AFF3: variants seen among roughly 807,000 people sequenced by gnomAD.
The protein encoded by AFF3 is ALF transcription elongation factor 3, also known as AF4/FMR2 family member 3.
In AFF3, 32 loss-of-function variants were observed where a neutral mutation model predicts 129.7. The observed-to-expected ratio is 0.25, with a 90% CI of 0.19 to 0.33. The LOEUF is 0.33. Ranked by LOEUF, AFF3 falls within the 10% of genes least tolerant of loss-of-function variation. The pLI is 1.00. For synonymous variants in AFF3, 644 were observed against 635.4 expected, an observed-to-expected ratio of 1.01 and a Z score of -0.20; for missense variants, 1,373 against 1,592.0, an observed-to-expected ratio of 0.86 and a Z score of 2.34.
At chr2:100,059,409 T>A (rs1350097280) in intron 4 of AFF3, among the ~76,000 whole-genome samples, 2 of 152,002 alleles carry the variant, frequency 1.3e-5, no homozygotes, top group African/African-American at 2.4e-5. Context: ...CCACCACACA[T>A]GTAGCATTGG....
Position 99,563,339 on chromosome 2 carries a change from G to C in AFF3, c.3119+2148C>G, listed in dbSNP as rs1441588649. Among the ~76,000 whole-genome samples the C allele has an allele frequency of 3.3e-5, 5 of 151,462 alleles. No homozygotes were observed. The East Asian group carries it at 6.0e-4, about 18-fold the overall frequency. On this transcript the variant is annotated intron_variant, in intron 20 of 24. Transcript: ENST00000672756. ...CTGAGTAGCTAGGACTACAGGTGCC[G>C]GCCACCACGCCCGGCTAATTTTTTG...
chr2:100,036,134 TAA>T (rs59136725), intron 4 of AFF3, among the ~76,000 whole-genome samples: 1,217 of 64,332 alleles, frequency 0.019, 18 homozygotes, highest in African/African-American at 0.036. Context: ...AATACAGTGC[TAA>T]AAAAAAAAAA....
chr2:99,812,774 C>A (rs919310381), intron 8 of AFF3, among the ~76,000 whole-genome samples: 1 of 152,190 alleles, frequency 6.6e-6, no homozygotes, highest in South Asian at 2.1e-4. Context: ...AGCAGAACAT[C>A]TAATTACAGT....
chr2:99,758,907 C>CT (rs1255891233), intron 8 of AFF3, among the ~76,000 whole-genome samples: 1 of 152,178 alleles, frequency 6.6e-6, no homozygotes, highest in African/African-American at 2.4e-5. Context: ...CACCCTAGTA[C>CT]TCAAGACCTT....
At chr2:99,672,458 G>T in intron 12 of AFF3, 80 bp downstream of exon 12, 2 of 1,392,858 alleles carry the variant, frequency 1.4e-6, no homozygotes, top group Non-Finnish European at 2.0e-6. Context: ...CATTCAGCTT[G>T]GTTAACACCC....
chr2:99,998,684 T>C (rs988287832), intron 7 of AFF3, among the ~76,000 whole-genome samples: 7 of 152,166 alleles, frequency 4.6e-5, no homozygotes, highest in Non-Finnish European at 7.3e-5. Flanking sequence ...GTCTGTCAGA[T>C]AACAAATACA....
At chr2:100,018,077 T>C (rs984546485) in intron 4 of AFF3, among the ~76,000 whole-genome samples, 2 of 152,018 alleles carry the variant, frequency 1.3e-5, no homozygotes, top group Non-Finnish European at 2.9e-5. Flanking sequence ...CTAAAACCTA[T>C]AAAATATAAC....
chr2:100,032,885 T>C (rs1220200039), intron 4 of AFF3, among the ~76,000 whole-genome samples: 2 of 152,234 alleles, frequency 1.3e-5, no homozygotes, highest in Non-Finnish European at 2.9e-5. Context: ...TTATTTATTA[T>C]AAGTAATGAG....
intron 11 of AFF3, among the ~76,000 whole-genome samples, chr2:99,701,471 AATG>A (rs1676859506): frequency 6.6e-6 from 1 of 152,206 alleles, no homozygotes; most frequent in South Asian, 2.1e-4. Flanking sequence ...CTTCTTTGAG[AATG>A]ATGAGTATGT....
chr2:99,646,595 A>G lies in AFF3; in HGVS notation c.1184+3031T>C, dbSNP rs182679680. Reference sequence around the variant, plus strand: ...CCAAGTAGCCAGAGATATTGGGCCTAGAACCCCACTTTGGGATATTCAGGA... The same window carrying G: ...CCAAGTAGCCAGAGATATTGGGCCTGGAACCCCACTTTGGGATATTCAGGA... On this transcript the variant is annotated intron_variant, in intron 13 of 24. Coordinates refer to ENST00000672756, the MANE Select transcript of AFF3 (RefSeq NM_001386135.1). 2.4e-4 allele frequency among the ~76,000 whole-genome samples: 36 copies of G among 152,332 alleles called. No individual in the cohort carries two copies. In the Middle Eastern group the frequency reaches 0.01, roughly 43 times the overall value.
chr2:99,674,242 C>G (rs563136165), intron 11 of AFF3, among the ~76,000 whole-genome samples: 12 of 152,288 alleles, frequency 7.9e-5, no homozygotes, highest in Admixed American at 3.3e-4. Context: ...ATGTCTGGCA[C>G]GCCATTCATT....
At chr2:99,906,552 A>G (rs1694730098) in intron 7 of AFF3, among the ~76,000 whole-genome samples, 1 of 152,256 alleles carries the variant, frequency 6.6e-6, no homozygotes, top group Non-Finnish European at 1.5e-5. Flanking sequence ...ATGAAAGTCG[A>G]TAACAATAAT....
chr2:99,778,425 C>G (rs543815223), intron 8 of AFF3, among the ~76,000 whole-genome samples: 1 of 152,270 alleles, frequency 6.6e-6, no homozygotes, highest in South Asian at 2.1e-4. Context: ...GCATAGAAAG[C>G]AATAGATGTA....
intron 7 of AFF3, among the ~76,000 whole-genome samples, chr2:99,957,418 T>A (rs1405713467): frequency 6.6e-6 from 1 of 152,134 alleles, no homozygotes; most frequent in Non-Finnish European, 1.5e-5. Flanking sequence ...CTCCACAGCC[T>A]GTCAAATTAG....
chr2:100,131,335 C>A (rs920460866), intron 1 of AFF3, among the ~76,000 whole-genome samples: 8 of 152,142 alleles, frequency 5.3e-5, no homozygotes, highest in African/African-American at 1.7e-4. Flanking sequence ...TTCTGCAGCA[C>A]CCTCTCCATT....
chr2:99,743,930 C>A (rs1680926792), intron 10 of AFF3, among the ~76,000 whole-genome samples, 174 bp downstream of exon 10: 1 of 152,104 alleles, frequency 6.6e-6, no homozygotes, highest in Non-Finnish European at 1.5e-5. Flanking sequence ...CACTTAAGGT[C>A]ATCATAAATC....
intron 4 of AFF3, among the ~76,000 whole-genome samples, chr2:100,016,334 T>C (rs912928542): frequency 6.6e-6 from 1 of 150,422 alleles, no homozygotes; most frequent in African/African-American, 2.5e-5. Context: ...AACATGTTAG[T>C]GGTAGTGATA....
intron 7 of AFF3, among the ~76,000 whole-genome samples, chr2:99,888,176 G>C (rs1693263594): frequency 6.6e-6 from 1 of 152,130 alleles, no homozygotes; most frequent in Non-Finnish European, 1.5e-5. Flanking sequence ...GGATGGAAAG[G>C]CACAACTCGA....
At chr2:99,644,254 G>C (rs977611406) in intron 13 of AFF3, among the ~76,000 whole-genome samples, 27 of 152,322 alleles carry the variant, frequency 1.8e-4, no homozygotes, top group African/African-American at 6.5e-4. Flanking sequence ...TGACATTTCA[G>C]ATGATTATAT....
Sources: gnomAD v4.1 joint callset for allele counts (sites outside exome capture counted in the v4.1 genomes callset) on GRCh38, gnomAD v4.1.1 for gene constraint, MANE v1.5 for transcripts, NCBI Gene and HGNC (gene_info 2026-07-23, HGNC 2026-07-21) for gene names.